Variants in SOD1 observed in about 807,000 individuals in gnomAD.
SOD1 encodes superoxide dismutase [Cu-Zn].
Under a neutral mutation model 15.9 loss-of-function variants are expected in SOD1, and 8 were observed. That is an observed-to-expected ratio of 0.50 (90% CI 0.30 to 0.91). The LOEUF (loss-of-function observed/expected upper bound fraction) is 0.91. SOD1 is among the 40% of genes least tolerant of loss of function. The pLI is 0.07. For synonymous variants in SOD1, 86 were observed against 71.2 expected (o/e 1.21, Z -1.04); for missense variants, 137 against 194.5 (o/e 0.70, Z 1.76).
intron 4 of SOD1, among the ~76,000 whole-genome samples, 164 bp downstream of exon 4, chr21:31,667,539 A>T (rs574008242): frequency 6.6e-6 from 1 of 152,362 alleles, no homozygotes; most frequent in East Asian, 1.9e-4. Flanking sequence ...AAAATGAATT[A>T]TTTTATCTAG....
chr21:31,667,294 A>T lies in SOD1; in HGVS notation c.276A>T (p.Lys92Asn). ...VGDLGNVTADKDGVADVSIED... is the reference protein window; with the variant it reads ...VGDLGNVTADNDGVADVSIED... ...ACTTGGGCAATGTGACTGCTGACAA[A>T]GATGGTGTGGCCGATGTGTCTATTG... The change falls in exon 4 of 5, where the codon AAA becomes AAT. Residue 92 changes from lysine to asparagine, a missense_variant. Transcript: ENST00000270142. The T allele has an allele frequency of 6.2e-7, 1 of 1,614,134 alleles. No individual in the cohort carries two copies. Among genetic ancestry groups the T allele is most frequent in the Non-Finnish European group, 8.5e-7 (1 of 1,179,980 alleles).
chr21:31,660,059 G>C (rs1465757725), intron 1 of SOD1: 1 of 253,900 alleles, frequency 3.9e-6, no homozygotes, highest in African/African-American at 2.3e-5. Context: ...GTGGGACCGA[G>C]GCCGCCGCGG....
chr21:31,666,990 G>C, intron 3 of SOD1: 1 of 520,724 alleles, frequency 1.9e-6, no homozygotes, highest in Non-Finnish European at 3.5e-6. Context: ...TTGGGACATA[G>C]CTTTGTTAGC....
chr21:31,666,999 G>C, intron 3 of SOD1: 1 of 533,496 alleles, frequency 1.9e-6, no homozygotes, highest in South Asian at 2.2e-5. Context: ...AGCTTTGTTA[G>C]CTATGCCAGT....
In SOD1 at chr21:31,666,496, G is replaced by T. The variant is rs121912455; in HGVS notation, c.217G>T (p.Gly73Cys). The change falls in exon 3 of 5, where the codon GGT becomes TGT. Residue 73 changes from glycine to cysteine, a missense_variant. Transcript: ENST00000270142. ...PHFNPLSRKH[G>C]GPKDEERHVG... ...CTTTAATCCTCTATCCAGAAAACAC[G>T]GTGGGCCAAAGGATGAAGAGAGGTA... 1.4e-5 allele frequency: 22 copies of T among 1,612,564 alleles called. No individual in the cohort carries two copies. The highest frequency in any genetic ancestry group is 1.8e-5 in the Non-Finnish European group (21 of 1,178,818).
At chr21:31,663,673 GAC>G (rs2049568227) in intron 1 of SOD1, 115 bp from the exon 2 acceptor site, 2 of 783,758 alleles carry the variant, frequency 2.6e-6, no homozygotes, top group Admixed American at 3.9e-5. Context: ...CTGGGATTTG[GAC>G]ACAGATTTTT....
chr21:31,668,587 T>C lies in SOD1; in HGVS notation c.*9T>C. On this transcript the variant is annotated 3_prime_UTR_variant, in exon 5 of 5. Transcript: ENST00000270142. ...TTGGGATCGCCCAATAAACATTCCC[T>C]TGGATGTAGTCTGAGGCCCCTTAAC... 6.3e-7 allele frequency: 1 copy of C among 1,597,540 alleles called. No individual in the cohort carries two copies. The highest frequency in any genetic ancestry group is 1.1e-5 in the South Asian group (1 of 90,810).
intron 1 of SOD1, among the ~76,000 whole-genome samples, chr21:31,662,304 A>G (rs536747882): frequency 6.6e-6 from 1 of 152,380 alleles, no homozygotes; most frequent in East Asian, 1.9e-4. Flanking sequence ...CAAAAAGAAA[A>G]GAATTTAAAA....
chr21:31,659,891 T>C, intron 1 of SOD1, 50 bp downstream of exon 1: 2 of 1,575,780 alleles, frequency 1.3e-6, no homozygotes, highest in Non-Finnish European at 8.7e-7. Context: ...CACCCGCTCG[T>C]CCCCCCGCGC....
chr21:31,661,986 T>C (rs2076792172), intron 1 of SOD1, among the ~76,000 whole-genome samples: 2 of 152,228 alleles, frequency 1.3e-5, no homozygotes, highest in South Asian at 4.1e-4. Context: ...TAGCTTCTCT[T>C]GAAGAATTTT....
intron 2 of SOD1, chr21:31,664,587 T>C (rs2049577301): frequency 6.5e-6 from 1 of 153,554 alleles, no homozygotes; most frequent in South Asian, 2.0e-4. Context: ...TGATGTTTTG[T>C]CTTACAGCAT....
Position 31,668,572 on chromosome 21 carries a change from C to T in SOD1, c.459C>T (p.Ala153=), listed in dbSNP as rs1568811541. The change falls in exon 5 of 5, where the codon GCC becomes GCT. Residue 153 remains alanine, a synonymous_variant. Coordinates refer to ENST00000270142, the MANE Select transcript of SOD1 (RefSeq NM_000454.5). ...SRLACGVIGI[A]Q ...TGGCTTGTGGTGTAATTGGGATCGCCCAATAAACATTCCCTTGGATGTAGT... is the reference window on the plus strand; with the variant it reads ...TGGCTTGTGGTGTAATTGGGATCGCTCAATAAACATTCCCTTGGATGTAGT... 1.2e-6 allele frequency: 2 copies of T among 1,611,620 alleles called. No homozygotes were observed. The highest frequency in any genetic ancestry group is 8.5e-7 in the Non-Finnish European group (1 of 1,177,748).
chr21:31,665,584 A>G (rs1307026409), intron 2 of SOD1, among the ~76,000 whole-genome samples: 1 of 152,158 alleles, frequency 6.6e-6, no homozygotes, highest in South Asian at 2.1e-4. Flanking sequence ...GTGTTATGAA[A>G]GGGCCTCCTG....
intron 1 of SOD1, among the ~76,000 whole-genome samples, chr21:31,662,447 A>G (rs1018875035): frequency 6.6e-6 from 1 of 152,216 alleles, no homozygotes. Flanking sequence ...AGACACTGAC[A>G]TGTTGTATGA....
intron 3 of SOD1, 24 bp downstream of exon 3, chr21:31,666,542 A>G (rs371379092): frequency 1.3e-4 from 194 of 1,523,192 alleles, no homozygotes; most frequent in Admixed American, 2.0e-4. Flanking sequence ...TAACTCTTGT[A>G]ATAATGGCGA....
At chr21:31,660,745 AT>A (rs973590819) in intron 1 of SOD1, 3 of 152,202 alleles carry the variant, frequency 2.0e-5, no homozygotes, top group African/African-American at 7.2e-5. Context: ...TCCAAAAGTG[AT>A]TTTGATGTGC....
intron 3 of SOD1, chr21:31,667,057 C>T: frequency 1.6e-6 from 1 of 614,910 alleles, no homozygotes; most frequent in Non-Finnish European, 2.9e-6. Flanking sequence ...TTTGGTACTT[C>T]TGAAATCAGG....
intron 1 of SOD1, among the ~76,000 whole-genome samples, chr21:31,662,941 G>C (rs971586979): frequency 4.6e-5 from 7 of 152,098 alleles, no homozygotes; most frequent in Non-Finnish European, 1.0e-4. Context: ...CATGAACCTG[G>C]GAGGCGGAGC....
intron 1 of SOD1, among the ~76,000 whole-genome samples, chr21:31,663,494 T>C (rs1476483331): frequency 6.6e-6 from 1 of 152,228 alleles, no homozygotes; most frequent in Admixed American, 6.5e-5. Flanking sequence ...AGGTACTCAC[T>C]TTGCTTGCCA....
Sources: allele counts gnomAD v4.1 joint callset (sites outside exome capture counted in the v4.1 genomes callset), GRCh38; gene constraint gnomAD v4.1.1; transcripts MANE v1.5; gene names NCBI Gene and HGNC (gene_info 2026-07-23, HGNC 2026-07-21).